DLGAP1: variants seen among roughly 807,000 people sequenced by gnomAD.
DLGAP1 encodes the protein DLG associated protein 1.
In DLGAP1, 11 loss-of-function variants were observed where a neutral mutation model predicts 90.8. The observed-to-expected ratio is 0.12, with a 90% confidence interval of 0.08 to 0.20. The LOEUF (loss-of-function observed/expected upper bound fraction) is 0.20, where lower values mean the gene tolerates loss of function less well. Ranked by LOEUF, DLGAP1 falls within the 10% of genes least tolerant of loss-of-function variation. The probability of loss-of-function intolerance (pLI) is 1.00; values close to 1 mark genes in which losing one functional copy is unlikely to be tolerated. For missense variants in DLGAP1, 1,050 were observed against 1,333.8 expected, an observed-to-expected ratio of 0.79 and a Z score of 3.31; for synonymous variants, 558 against 540.7, an observed-to-expected ratio of 1.03 and a Z score of -0.44.
intron 2 of DLGAP1, among the ~76,000 whole-genome samples, chr18:4,066,826 T>C (rs1418452174): frequency 1.3e-5 from 2 of 152,078 alleles, no homozygotes; most frequent in East Asian, 3.9e-4. Context: ...CATTACTGGG[T>C]ATATACTTAA....
chr18:3,797,042 A>G (rs2066025387), intron 5 of DLGAP1, among the ~76,000 whole-genome samples: 1 of 152,188 alleles, frequency 6.6e-6, no homozygotes, highest in South Asian at 2.1e-4. Flanking sequence ...TTATAAGAAG[A>G]GACACTGGAG....
intron 1 of DLGAP1, among the ~76,000 whole-genome samples, chr18:4,429,400 C>T (rs2083230324): frequency 6.6e-6 from 1 of 152,104 alleles, no homozygotes; most frequent in South Asian, 2.1e-4. Context: ...TTATGTTTTT[C>T]TCATTCATTT....
intron 1 of DLGAP1, among the ~76,000 whole-genome samples, chr18:4,299,085 CAAAAAAAA>C (rs35327176): frequency 1.3e-5 from 1 of 76,336 alleles, no homozygotes; most frequent in African/African-American, 4.4e-5. Flanking sequence ...TGTCTCAAGA[CAAAAAAAA>C]AAAAAAAAAA....
chr18:3,508,443 C>A (rs377694791), intron 11 of DLGAP1, 127 bp downstream of exon 11: 4 of 443,966 alleles, frequency 9.0e-6, no homozygotes, highest in Non-Finnish European at 1.6e-5. Context: ...ATTCTCTGTT[C>A]CAAGTGAGAG....
chr18:3,515,441 C>G (rs1328351841), intron 10 of DLGAP1, among the ~76,000 whole-genome samples: 1 of 119,966 alleles, frequency 8.3e-6, no homozygotes, highest in East Asian at 2.6e-4. Flanking sequence ...TGCACTCCAG[C>G]CTGGGCAACA....
In DLGAP1 at chr18:3,879,247, C is replaced by T. The variant is rs769304194; in HGVS notation, c.822G>A (p.Leu274=). 4.4e-6 allele frequency: 7 copies of T among 1,597,370 alleles called. No homozygotes were observed. Among genetic ancestry groups the T allele is most frequent in the Non-Finnish European group, 6.0e-6 (7 of 1,171,704 alleles). Reference sequence around the variant, plus strand: ...GCGTGGAGGACCAGGCGCTCTTCTTCAGCAGCGGGGTGTCCAGGCTGACCG... The same window carrying T: ...GCGTGGAGGACCAGGCGCTCTTCTTTAGCAGCGGGGTGTCCAGGCTGACCG... ...NLPVSLDTPL[L]KKSAWSSTLT... The change falls in exon 4 of 13, where the codon CTG becomes CTA. Residue 274 remains leucine (L), a synonymous_variant. Coordinates refer to ENST00000315677, the MANE Select transcript of DLGAP1 (RefSeq NM_004746.4). This position sits in a 1 kb window ranked among gnomAD's most constrained non-coding sequence, Gnocchi z 6.6.
At chr18:4,006,996 T>C (rs535912338) in intron 2 of DLGAP1, among the ~76,000 whole-genome samples, 1 of 152,004 alleles carries the variant, frequency 6.6e-6, no homozygotes, top group Non-Finnish European at 1.5e-5. Flanking sequence ...TTTAACTGAA[T>C]AAGAAACATA....
chr18:4,349,449 CA>C (rs1047888597), intron 1 of DLGAP1, among the ~76,000 whole-genome samples: 9 of 151,752 alleles, frequency 5.9e-5, no homozygotes, highest in Non-Finnish European at 1.2e-4. Context: ...ACATTTGTGG[CA>C]CAAACTCATA....
chr18:3,883,099 C>T (rs1315029592), intron 3 of DLGAP1, among the ~76,000 whole-genome samples: 1 of 152,142 alleles, frequency 6.6e-6, no homozygotes, highest in East Asian at 1.9e-4. Flanking sequence ...CAAAAATTAG[C>T]TGGGCATGGT....
At chr18:3,699,581 T>C (rs957312100) in intron 7 of DLGAP1, among the ~76,000 whole-genome samples, 48 of 152,168 alleles carry the variant, frequency 3.2e-4, no homozygotes, top group African/African-American at 1.1e-3. Context: ...TGACTCCTGC[T>C]GGGAGGTATC....
At chr18:4,359,321 A>G (rs2081585609) in intron 1 of DLGAP1, among the ~76,000 whole-genome samples, 1 of 152,236 alleles carries the variant, frequency 6.6e-6, no homozygotes, top group East Asian at 1.9e-4. Flanking sequence ...GGAGTAGATC[A>G]TAAGACCCTC....
At chr18:4,041,304 G>C (rs964243257) in intron 2 of DLGAP1, among the ~76,000 whole-genome samples, 3 of 152,152 alleles carry the variant, frequency 2.0e-5, no homozygotes, top group African/African-American at 7.2e-5. Flanking sequence ...TTATCTGAGT[G>C]ATTTTATAGG....
chr18:3,646,939 A>C, intron 7 of DLGAP1, among the ~76,000 whole-genome samples: 1 of 151,852 alleles, frequency 6.6e-6, no homozygotes. Context: ...TAAATAAATA[A>C]ATAAATAAAA....
At chr18:3,994,384 C>T (rs2074028206) in intron 3 of DLGAP1, among the ~76,000 whole-genome samples, 1 of 152,190 alleles carries the variant, frequency 6.6e-6, no homozygotes, top group African/African-American at 2.4e-5. Context: ...TCTCTGGGTA[C>T]CTCGGCCTCT....
At chr18:3,925,244 C>T (rs536292968) in intron 3 of DLGAP1, among the ~76,000 whole-genome samples, 43 of 151,800 alleles carry the variant, frequency 2.8e-4, no homozygotes, top group Non-Finnish European at 4.7e-4. Flanking sequence ...TGAGCCACTG[C>T]GCCCAGCAGC....
intron 1 of DLGAP1, among the ~76,000 whole-genome samples, chr18:4,306,074 G>A (rs1385519202): frequency 7.0e-6 from 1 of 142,770 alleles, no homozygotes; most frequent in Non-Finnish European, 1.5e-5. Context: ...ACGGGGGAGA[G>A]GGGGGCGGAG....
At chr18:4,355,675 T>G (rs1328156105) in intron 1 of DLGAP1, among the ~76,000 whole-genome samples, 2 of 150,686 alleles carry the variant, frequency 1.3e-5, no homozygotes, top group Non-Finnish European at 3.0e-5. Context: ...GTTGTGATAT[T>G]GTACTATAGT....
At chr18:4,060,776 G>C (rs780360170) in intron 2 of DLGAP1, among the ~76,000 whole-genome samples, 8 of 152,206 alleles carry the variant, frequency 5.3e-5, no homozygotes, top group Admixed American at 1.3e-4. Flanking sequence ...ATCTTGTATG[G>C]TAAATTCTTG....
intron 7 of DLGAP1, among the ~76,000 whole-genome samples, chr18:3,702,624 A>G (rs1805768439): frequency 6.6e-6 from 1 of 152,200 alleles, no homozygotes; most frequent in South Asian, 2.1e-4. Flanking sequence ...TATATGTATC[A>G]TCTTAGAAGT....
Sources: gnomAD v4.1 joint callset for allele counts (sites outside exome capture counted in the v4.1 genomes callset) on GRCh38, gnomAD v4.1.1 for gene constraint, Gnocchi (gnomAD v3.1) non-coding constraint, MANE v1.5 for transcripts, NCBI Gene and HGNC (gene_info 2026-07-23, HGNC 2026-07-21) for gene names.